Variants in SYNE3 observed in about 807,000 individuals in gnomAD.
SYNE3 encodes the protein spectrin repeat containing nuclear envelope family member 3.
In SYNE3, 100 loss-of-function variants were observed where a neutral mutation model predicts 111.2. That is an observed-to-expected ratio of 0.90 (90% confidence interval 0.77 to 1.06). The LOEUF (loss-of-function observed/expected upper bound fraction) is 1.06. SYNE3 is among the 50% of genes least tolerant of loss of function. SYNE3 has a pLI of 0.00. For missense variants in SYNE3, 1,160 were observed against 1,240.3 expected (o/e 0.94, Z 0.97); for synonymous variants, 547 against 533.9 (o/e 1.02, Z -0.34).
In SYNE3 at chr14:95,457,135, TGTCC is replaced by T. The variant is rs1887500773; in HGVS notation, c.789+38_789+41del. On this transcript the variant is annotated intron_variant, in intron 5 of 17. Coordinates refer to ENST00000682763, the MANE Select transcript of SYNE3 (RefSeq NM_152592.6). ...TGACATAGAACCCACCCTCTGTGAC[TGTCC>T]CTAGGGTCCCTCTGGTTGAGACACA... 6 of 398,434 alleles carry T rather than the reference TGTCC, an allele frequency of 1.5e-5. 1 individual carries two copies. The Admixed American group carries it at 1.0e-3, about 66-fold the overall frequency. 24.7% of individuals were successfully genotyped at this position (398,434 alleles called of 1,614,324 possible). A position where few individuals can be genotyped will look rare whatever the true frequency, so the allele number is the denominator to read the frequency against.
rs1295573338 is a variant in SYNE3, at chr14:95,410,137, G to A, written c.*7689C>T. ...ATTTGTCGGTTCCCAAGCCTTGCAG[G>A]AAGAATGTCTACAATGCCTTTGGGT... On this transcript the variant is annotated 3_prime_UTR_variant, in exon 18 of 18. Transcript: ENST00000682763. 4 of 152,810 alleles carry A rather than the reference G, an allele frequency of 2.6e-5. No homozygotes were observed. Among genetic ancestry groups the A allele is most frequent in the Non-Finnish European group, 5.8e-5 (4 of 68,546 alleles). The allele number at this position is 152,810 out of a possible 1,614,324, so 9.5% of individuals were successfully genotyped here.
At chr14:95,433,685 C>T (rs1885922192) in intron 15 of SYNE3, among the ~76,000 whole-genome samples, 1 of 152,252 alleles carries the variant, frequency 6.6e-6, no homozygotes, top group African/African-American at 2.4e-5. Context: ...GGACCAAGTC[C>T]TCCAGAGGGC....
chr14:95,418,084 G>T (rs1884852044), intron 17 of SYNE3, 58 bp from the exon 18 acceptor site: 3 of 1,581,202 alleles, frequency 1.9e-6, no homozygotes, highest in Non-Finnish European at 2.6e-6. Flanking sequence ...GTGGGGGGCA[G>T]GTTCAGGGGG....
At chr14:95,443,829 A>G (rs904306416) in intron 10 of SYNE3, 1 of 133,160 alleles carries the variant, frequency 7.5e-6, no homozygotes, top group Non-Finnish European at 1.6e-5. Flanking sequence ...TTGCTTTTTT[A>G]AAAAAAATTT....
In SYNE3 at chr14:95,414,745, C is replaced by A. The variant is rs1047910243; in HGVS notation, c.*3081G>T. On this transcript the variant is annotated 3_prime_UTR_variant, in exon 18 of 18. Coordinates refer to ENST00000682763, the MANE Select transcript of SYNE3 (RefSeq NM_152592.6). Reference sequence around the variant, plus strand: ...CACACACACACACGCCACAGCGCCACCTTTCTCAAGTAGCACCTTAAAGCT... The same window carrying A: ...CACACACACACACGCCACAGCGCCAACTTTCTCAAGTAGCACCTTAAAGCT... The A allele has an allele frequency of 6.6e-6, 1 of 150,944 alleles. No homozygotes were observed. The highest frequency in any genetic ancestry group is 3.4e-3 in the Middle Eastern group (1 of 294). 9.4% of individuals were successfully genotyped at this position (150,944 alleles called of 1,614,324 possible). A position where few individuals can be genotyped will look rare whatever the true frequency, so the allele number is the denominator to read the frequency against.
intron 4 of SYNE3, among the ~76,000 whole-genome samples, chr14:95,459,443 T>C (rs1239811667): frequency 6.6e-6 from 1 of 152,138 alleles, no homozygotes; most frequent in Non-Finnish European, 1.5e-5. Flanking sequence ...TGTGCACCTG[T>C]AGTCTCAGCT....
At chr14:95,437,271 C>T (rs1886142070) in intron 14 of SYNE3, among the ~76,000 whole-genome samples, 2 of 152,238 alleles carry the variant, frequency 1.3e-5, no homozygotes, top group South Asian at 4.1e-4. Flanking sequence ...TGCTTGCCCC[C>T]TCGGGGCTCC....
chr14:95,509,545 C>A (rs1377437989), intron 1 of SYNE3, among the ~76,000 whole-genome samples: 20 of 152,330 alleles, frequency 1.3e-4, no homozygotes, highest in Non-Finnish European at 5.9e-5. Flanking sequence ...CCTTAGAAAT[C>A]TCCTAATCTC....
chr14:95,427,957 G>A (rs1313990260), intron 17 of SYNE3, among the ~76,000 whole-genome samples: 1 of 152,200 alleles, frequency 6.6e-6, no homozygotes, highest in Admixed American at 6.5e-5. Flanking sequence ...TGGTATTACA[G>A]TAGCTCATTC....
chr14:95,490,794 C>T (rs1889811676), intron 1 of SYNE3, among the ~76,000 whole-genome samples: 1 of 152,272 alleles, frequency 6.6e-6, no homozygotes, highest in Non-Finnish European at 1.5e-5. Context: ...TGGGCCAGGC[C>T]TGTGGCCCTA....
intron 4 of SYNE3, among the ~76,000 whole-genome samples, chr14:95,459,878 G>T (rs1486197216): frequency 6.6e-6 from 1 of 151,590 alleles, no homozygotes; most frequent in Non-Finnish European, 1.5e-5. Context: ...CAGGAGGATT[G>T]CTTGAGCCCA....
intron 1 of SYNE3, among the ~76,000 whole-genome samples, chr14:95,480,629 G>A (rs1436842054): frequency 6.6e-6 from 1 of 152,222 alleles, no homozygotes; most frequent in South Asian, 2.1e-4. Context: ...TGAGCTCCAG[G>A]CTTTAGCCAT....
rs1043882110 is a variant in SYNE3 at position 95,414,168 on chromosome 14, C to T, written c.*3658G>A. 7 of 152,222 alleles carry T rather than the reference C, an allele frequency of 4.6e-5. No homozygotes were observed. The highest frequency in any genetic ancestry group is 1.4e-4 in the African/African-American group (6 of 41,434). The allele number at this position is 152,222 out of a possible 1,614,324, so 9.4% of individuals were successfully genotyped here. On this transcript the variant is annotated 3_prime_UTR_variant, in exon 18 of 18. Transcript: ENST00000682763. Reference sequence around the variant, plus strand: ...CTACAGAGACTGCAACCTGGTAGAACCAGCCTGAAGCCCCCCTCCAGCCTG... The same window carrying T: ...CTACAGAGACTGCAACCTGGTAGAATCAGCCTGAAGCCCCCCTCCAGCCTG...
At chr14:95,434,088 G>A (rs576856130) in intron 15 of SYNE3, among the ~76,000 whole-genome samples, 1 of 152,062 alleles carries the variant, frequency 6.6e-6, no homozygotes, top group Non-Finnish European at 1.5e-5. Context: ...TGCGGTGGGG[G>A]GAATGAGAGG....
chr14:95,453,073 G>GTAGTAGAAAGTGCTGGGC (rs1393610047), intron 6 of SYNE3, among the ~76,000 whole-genome samples: 15 of 152,276 alleles, frequency 9.9e-5, no homozygotes, highest in African/African-American at 3.4e-4. Context: ...GCAGGGTGGG[G>GTAGTAGAAAGTGCTGGGC]TAGTAGAAAG....
intron 1 of SYNE3, among the ~76,000 whole-genome samples, chr14:95,491,677 T>A (rs963982257): frequency 6.6e-6 from 1 of 152,010 alleles, no homozygotes; most frequent in African/African-American, 2.4e-5. Flanking sequence ...CAATGGTTTC[T>A]TAGATGTGAT....
Position 95,433,221 on chromosome 14 carries a change from G to A in SYNE3, c.2688+39C>T, listed in dbSNP as rs182771300. 4.7e-5 allele frequency: 76 copies of A among 1,605,288 alleles called. No individual in the cohort carries two copies. The African/African-American group carries it at 9.3e-4, about 20-fold the overall frequency. ...GCAAATACGGCCCAGCTATAGTCCT[G>A]TCCCTGGAATCTGGGACCTGCACAT... On this transcript the variant is annotated intron_variant, in intron 16 of 17. Coordinates refer to ENST00000682763, the MANE Select transcript of SYNE3 (RefSeq NM_152592.6).
intron 2 of SYNE3, among the ~76,000 whole-genome samples, chr14:95,475,357 C>T (rs1888815914): frequency 6.7e-6 from 1 of 149,902 alleles, no homozygotes; most frequent in Non-Finnish European, 1.5e-5. Context: ...TGGGGACCCA[C>T]CAGGCTGCAC....
At chr14:95,481,757 A>G (rs1471847448) in intron 1 of SYNE3, among the ~76,000 whole-genome samples, 1 of 152,226 alleles carries the variant, frequency 6.6e-6, no homozygotes, top group Non-Finnish European at 1.5e-5. Context: ...TCCATCGGGT[A>G]ACTGTGAATG....
Sources: allele counts gnomAD v4.1 joint callset (sites outside exome capture counted in the v4.1 genomes callset), GRCh38; gene constraint gnomAD v4.1.1; transcripts MANE v1.5; gene names NCBI Gene and HGNC (gene_info 2026-07-23, HGNC 2026-07-21).